NXPE1: variants seen among roughly 807,000 people sequenced by gnomAD.
The protein encoded by NXPE1 is NXPE family member 1.
In NXPE1, 31 loss-of-function variants were observed where a neutral mutation model predicts 33.3. That is an observed-to-expected ratio of 0.93 (90% CI 0.70 to 1.26). The LOEUF is 1.26. Among genes scored for constraint, NXPE1 ranks in the 50% most tolerant of loss-of-function variants. NXPE1 has a pLI of 0.00. For missense variants in NXPE1, 661 were observed against 655.6 expected, an observed-to-expected ratio of 1.01 and a Z score of -0.09; for synonymous variants, 229 against 231.4, an observed-to-expected ratio of 0.99 and a Z score of 0.09.
downstream of NXPE1, among the ~76,000 whole-genome samples, chr11:114,519,286 T>C (rs532108089): frequency 4.6e-5 from 7 of 152,356 alleles, no homozygotes; most frequent in African/African-American, 1.7e-4. Flanking sequence ...ATAAAGTACA[T>C]TTCACTATCA....
chr11:114,530,005 A>G, intron 6 of NXPE1, 170 bp downstream of exon 6: 1 of 623,200 alleles, frequency 1.6e-6, no homozygotes. Flanking sequence ...TATAGTGAAA[A>G]TGCAAACTTT....
At position 114,533,078 on chromosome 11, in the gene NXPE1, C is replaced by A. The variant is rs1156598165; in HGVS notation, c.100-2170G>T. On this transcript the variant is annotated intron_variant, in intron 5 of 8. Coordinates refer to ENST00000534921, the Ensembl canonical transcript of NXPE1. ...TAATGTTCAACATAACGTTAGAAGT[C>A]CTGAACAATAAAATAAAACAAACAA... 2.6e-5 allele frequency among the ~76,000 whole-genome samples: 4 copies of A among 152,050 alleles called. No individual in the cohort carries two copies. In the East Asian group the frequency reaches 5.8e-4, roughly 22 times the overall value.
intron 1 of NXPE1, among the ~76,000 whole-genome samples, chr11:114,557,037 C>T (rs578230876): frequency 1.4e-4 from 21 of 151,950 alleles, no homozygotes; most frequent in Non-Finnish European, 2.2e-4. Context: ...GGATTACAGG[C>T]GTGAGCCACC....
chr11:114,525,650 C>T (rs1264348074), intron 7 of NXPE1, among the ~76,000 whole-genome samples: 1 of 152,202 alleles, frequency 6.6e-6, no homozygotes, highest in Non-Finnish European at 1.5e-5. Flanking sequence ...GTGAAGGTCA[C>T]AACATATGCC....
intron 8 of NXPE1, 81 bp from the exon 9 acceptor site, chr11:114,522,584 A>G (rs1947247280): frequency 8.3e-7 from 1 of 1,199,654 alleles, no homozygotes. Flanking sequence ...CATTTAAAAT[A>G]CCCACCCTAC....
chr11:114,522,319 G>GT lies in NXPE1; in HGVS notation c.1292dup (p.Asn431LysfsTer13), dbSNP rs1421100705. ...GGCCAAAGGTGATGACGATGGCTGTGTTTTTGTCACCTGATAGCCGGTCAA... is the reference window on the plus strand; with the variant it reads ...GGCCAAAGGTGATGACGATGGCTGTGTTTTTTGTCACCTGATAGCCGGTCAA... On this transcript the variant is annotated frameshift_variant, in exon 9 of 9. Coordinates refer to ENST00000534921, the Ensembl canonical transcript of NXPE1. LOFTEE classifies it low-confidence loss of function (END_TRUNC). 1 of 1,614,098 alleles carries GT rather than the reference G, an allele frequency of 6.2e-7. No individual in the cohort carries two copies. The highest frequency in any genetic ancestry group is 1.1e-5 in the South Asian group (1 of 91,070).
chr11:114,522,282 G>C, exon 9 of NXPE1: 2 of 1,614,032 alleles, frequency 1.2e-6, no homozygotes, highest in Middle Eastern at 1.7e-4. Flanking sequence ...ATGGGAAATG[G>C]TCTAAAGTGC....
intron 5 of NXPE1, among the ~76,000 whole-genome samples, chr11:114,539,831 A>G (rs1176061554): frequency 6.6e-6 from 1 of 152,192 alleles, no homozygotes; most frequent in Non-Finnish European, 1.5e-5. Flanking sequence ...TTATAGGTTA[A>G]TGGTACCATC....
rs562244802 is a variant in NXPE1, at chr11:114,533,785, G to A, written c.100-2877C>T. ...GCTTGAGTAGGTAAACAAAGCGGCC[G>A]GGAAGCTCAAACTGGGTGGAGCCCA... On this transcript the variant is annotated intron_variant, in intron 5 of 8. Coordinates refer to ENST00000534921, the Ensembl canonical transcript of NXPE1. Among the ~76,000 whole-genome samples, 158 of 152,330 alleles carry A rather than the reference G, an allele frequency of 1.0e-3. 1 individual carries two copies. Among genetic ancestry groups the A allele is most frequent in the Middle Eastern group, 6.8e-3 (2 of 292 alleles).
chr11:114,535,787 C>T (rs192805168), intron 5 of NXPE1, among the ~76,000 whole-genome samples: 1 of 152,202 alleles, frequency 6.6e-6, no homozygotes, highest in East Asian at 1.9e-4. Context: ...TAAAGCAAGT[C>T]CTTAGTGACC....
At chr11:114,553,239 C>G (rs1591307833) in intron 1 of NXPE1, among the ~76,000 whole-genome samples, 4 of 152,262 alleles carry the variant, frequency 2.6e-5, no homozygotes, top group African/African-American at 9.6e-5. Flanking sequence ...ACTGTTGTAT[C>G]TCCTTATGTG....
intron 5 of NXPE1, among the ~76,000 whole-genome samples, chr11:114,535,112 G>A (rs191189545): frequency 1.3e-5 from 2 of 152,350 alleles, no homozygotes. Flanking sequence ...CCAGAAGAGA[G>A]TGGGGACCAA....
intron 7 of NXPE1, among the ~76,000 whole-genome samples, chr11:114,526,185 C>G (rs890937604): frequency 6.6e-6 from 1 of 152,158 alleles, no homozygotes; most frequent in African/African-American, 2.4e-5. Context: ...AACAGATTCT[C>G]CCCTGGAGCC....
At chr11:114,549,769 TGAAAAG>T (rs1948410212) in intron 5 of NXPE1, among the ~76,000 whole-genome samples, 1 of 152,030 alleles carries the variant, frequency 6.6e-6, no homozygotes, top group Non-Finnish European at 1.5e-5. Flanking sequence ...ACACTGGAAT[TGAAAAG>T]GAAATAAAAA....
intron 5 of NXPE1, among the ~76,000 whole-genome samples, chr11:114,544,080 TA>T: frequency 6.6e-6 from 1 of 152,274 alleles, no homozygotes; most frequent in Admixed American, 6.5e-5. Flanking sequence ...GAAGAAATTT[TA>T]AAAAATCTAA....
intron 5 of NXPE1, among the ~76,000 whole-genome samples, chr11:114,536,379 A>G (rs1447655500): frequency 6.6e-6 from 1 of 152,328 alleles, no homozygotes; most frequent in Admixed American, 6.5e-5. Flanking sequence ...AGAACTAGAG[A>G]AGCAAGAGCA....
intron 5 of NXPE1, among the ~76,000 whole-genome samples, chr11:114,531,929 A>G (rs1052853533): frequency 6.6e-6 from 1 of 152,214 alleles, no homozygotes; most frequent in African/African-American, 2.4e-5. Context: ...TTTTTTAAAA[A>G]TATGCACTCT....
intron 1 of NXPE1, chr11:114,553,873 G>A: frequency 1.0e-6 from 1 of 966,290 alleles, no homozygotes; most frequent in Non-Finnish European, 1.2e-6. Flanking sequence ...AATAGGCCAT[G>A]ATGGGTACAT....
chr11:114,545,874 A>G (rs909491739), intron 5 of NXPE1, among the ~76,000 whole-genome samples: 1 of 151,966 alleles, frequency 6.6e-6, no homozygotes, highest in African/African-American at 2.4e-5. Flanking sequence ...TTTTTTTAAT[A>G]GAGATGGAAT....
Sources: gnomAD v4.1 joint callset for allele counts (sites outside exome capture counted in the v4.1 genomes callset) on GRCh38, gnomAD v4.1.1 for gene constraint, MANE v1.5 for transcripts, NCBI Gene and HGNC (gene_info 2026-07-23, HGNC 2026-07-21) for gene names.